KPRP: variants seen among roughly 807,000 people sequenced by gnomAD.
KPRP encodes the protein keratinocyte proline rich protein, also known as keratinocyte proline-rich protein.
For synonymous variants in KPRP, 282 were observed against 276.9 expected (o/e 1.02, Z -0.18); for missense variants, 820 against 746.4 (o/e 1.10, Z -1.15).
At chr1:152,758,903 G>A (rs890315851), upstream of KPRP, among the ~76,000 whole-genome samples, 2 of 152,172 alleles carry the variant, frequency 1.3e-5, no homozygotes, top group Non-Finnish European at 2.9e-5. Context: ...CACTTTGCAC[G>A]TGTCATGTTT....
At chr1:152,760,688 G>A (rs758445209) in exon 1 of KPRP, 2 of 1,613,266 alleles carry the variant, frequency 1.2e-6, no homozygotes, top group Non-Finnish European at 1.7e-6. Flanking sequence ...GGCGCCTCCT[G>A]CCCTGAGCTG....
chr1:152,758,170 C>T (rs182713034), upstream of KPRP, among the ~76,000 whole-genome samples: 43 of 152,174 alleles, frequency 2.8e-4, no homozygotes, highest in Middle Eastern at 6.8e-3. Flanking sequence ...CCAGGGAGGG[C>T]GAGGGGTGCA....
upstream of KPRP, among the ~76,000 whole-genome samples, chr1:152,758,891 C>T (rs1651020080): frequency 6.6e-6 from 1 of 152,208 alleles, no homozygotes; most frequent in African/African-American, 2.4e-5. Flanking sequence ...TTTGCATGGG[C>T]ACACTTTGCA....
At chr1:152,761,295 A>C (rs1419343854) in exon 1 of KPRP, 1 of 1,613,882 alleles carries the variant, frequency 6.2e-7, no homozygotes, top group African/African-American at 1.3e-5. Context: ...CCTTTGCTGG[A>C]GTGAAAGGGG....
exon 1 of KPRP, chr1:152,760,714 C>G: frequency 6.2e-7 from 1 of 1,613,920 alleles, no homozygotes. Context: ...ACACGTAGAG[C>G]CACGTCCACT....
chr1:152,760,245 T>G, exon 1 of KPRP: 2 of 1,614,016 alleles, frequency 1.2e-6, no homozygotes, highest in Non-Finnish European at 1.7e-6. Flanking sequence ...GCTGTTTCCC[T>G]CAGTATCGGT....
At chr1:152,760,201 A>G in exon 1 of KPRP, 1 of 1,613,076 alleles carries the variant, frequency 6.2e-7, no homozygotes, top group Non-Finnish European at 8.5e-7. Flanking sequence ...CAACAACTAC[A>G]CCCCCCAGTT....
chr1:152,760,825 T>A (rs4329520), exon 1 of KPRP: 809,774 of 1,613,872 alleles, frequency 0.5, 204,689 homozygotes, highest in African/African-American at 0.54. Flanking sequence ...CCCAGAACCA[T>A]GCATAAGTCT....
chr1:152,760,867 C>A, exon 1 of KPRP: 4 of 1,614,202 alleles, frequency 2.5e-6, no homozygotes, highest in Non-Finnish European at 3.4e-6. Context: ...ACCACGACAA[C>A]TTTCAGAACC....
At chr1:152,759,399 C>T (rs923648626), upstream of KPRP, among the ~76,000 whole-genome samples, 2 of 152,128 alleles carry the variant, frequency 1.3e-5, no homozygotes, top group African/African-American at 4.8e-5. Context: ...AGACCCAGGG[C>T]AGGTCTAACA....
exon 1 of KPRP, chr1:152,759,771 C>A: frequency 1.2e-6 from 2 of 1,614,202 alleles, no homozygotes; most frequent in Middle Eastern, 3.3e-4. Flanking sequence ...AGGTGTCAGA[C>A]CAGGCTCCAT....
chr1:152,759,947 T>G lies in KPRP; in HGVS notation c.359T>G (p.Val120Gly), dbSNP rs1199527603. 6 of 1,614,202 alleles carry G rather than the reference T, an allele frequency of 3.7e-6. No homozygotes were observed. The Admixed American group carries it at 5.0e-5, about 13-fold the overall frequency. ...CCATGCCAATCTGAGGTGTCCTACG[T>G]GCAGTGCGAAGCGTCACAACCTGTT... is the stretch of plus-strand genomic sequence containing the variant. Residue 120 changes from valine (V) to glycine (G), a missense_variant, in exon 1 of 1, where the codon GTG becomes GGG. Physicochemically the swap from Val to Gly is moderately radical, Grantham distance 109 (BLOSUM62 -3). Transcript: ENST00000606109.
chr1:152,760,547 G>C, exon 1 of KPRP: 1 of 1,610,898 alleles, frequency 6.2e-7, no homozygotes, highest in Non-Finnish European at 8.5e-7. Flanking sequence ...TGCTCTCAGA[G>C]ACGTGGCCCC....
rs149801952 is a variant in KPRP at position 152,761,302 on chromosome 1, G to C, written c.1714G>C (p.Gly572Arg). ...AGGCAATGCCTTTGCTGGAGTGAAAGGGGAAGCAAAGAGTGCTTATTTTTA... is the reference window on the plus strand; with the variant it reads ...AGGCAATGCCTTTGCTGGAGTGAAACGGGAAGCAAAGAGTGCTTATTTTTA... Residue 572 changes from glycine (G) to arginine (R), a missense_variant, in exon 1 of 1, where the codon GGG (glycine) becomes CGG (arginine). Gly to Arg is a moderately radical substitution (Grantham distance 125, BLOSUM62 -2). Coordinates refer to ENST00000606109, the Ensembl canonical transcript of KPRP. 3.1e-6 allele frequency: 5 copies of C among 1,613,820 alleles called. No homozygotes were observed. In the African/African-American group the frequency reaches 6.7e-5, roughly 22 times the overall value.
rs547882733 is a variant in KPRP, at chr1:152,759,646, G to C, written c.58G>C (p.Gly20Arg). The C allele has an allele frequency of 2.0e-4, 325 of 1,614,100 alleles. 4 individuals carry two copies. In the South Asian group the frequency reaches 3.4e-3, roughly 17 times the overall value. ...GCCGCTCCAACAGTGCTGCGTCAAG[G>C]GTCCCTCCTTCTGCTCCTCTCAATC... The change falls in exon 1 of 1, where the codon GGT becomes CGT. Residue 20 changes from glycine to arginine, a missense_variant. Physicochemically the swap from Gly to Arg is moderately radical, Grantham distance 125. Coordinates refer to ENST00000606109, the Ensembl canonical transcript of KPRP.
At chr1:152,758,477 T>C (rs1241744308), upstream of KPRP, among the ~76,000 whole-genome samples, 6 of 152,172 alleles carry the variant, frequency 3.9e-5, no homozygotes, top group Non-Finnish European at 8.8e-5. Flanking sequence ...GGGAGCTTAT[T>C]GAAAGACGGT....
chr1:152,761,550 C>G (rs541828526), exon 1 of KPRP: 15 of 738,298 alleles, frequency 2.0e-5, no homozygotes, highest in Non-Finnish European at 2.9e-5. Context: ...TACGCATCCT[C>G]GGCTCTAGCC....
chr1:152,758,854 G>T (rs1436155055), upstream of KPRP, among the ~76,000 whole-genome samples: 1 of 152,208 alleles, frequency 6.6e-6, no homozygotes, highest in Non-Finnish European at 1.5e-5. Flanking sequence ...TGCCATGGTG[G>T]TCAGAGTCTT....
At chr1:152,760,526 C>T (rs1257797249) in exon 1 of KPRP, 7 of 1,612,016 alleles carry the variant, frequency 4.3e-6, no homozygotes, top group African/African-American at 1.3e-5. Flanking sequence ...CCTCGCCGCC[C>T]CATTTCAAGC....
Sources: gnomAD v4.1 joint callset for allele counts (sites outside exome capture counted in the v4.1 genomes callset) on GRCh38, gnomAD v4.1.1 for gene constraint, MANE v1.5 for transcripts, NCBI Gene and HGNC (gene_info 2026-07-23, HGNC 2026-07-21) for gene names.